The following CCDC73 variants were observed in gnomAD, a reference collection of about 807,000 sequenced individuals.
CCDC73 encodes coiled-coil domain containing 73, also known as coiled-coil domain-containing protein 73.
In CCDC73, 95 loss-of-function variants were observed where a neutral mutation model predicts 116.5. That is an observed-to-expected ratio of 0.82 (90% CI 0.69 to 0.97). The LOEUF is 0.97. Ranked by LOEUF, CCDC73 falls within the 50% of genes least tolerant of loss-of-function variation. The probability of loss-of-function intolerance (pLI) is 0.00; values close to 1 mark genes in which losing one functional copy is unlikely to be tolerated. For synonymous variants in CCDC73, 398 were observed against 401.3 expected (o/e 0.99, Z 0.10); for missense variants, 1,066 against 1,206.8 (o/e 0.88, Z 1.73).
intron 2 of CCDC73, chr11:32,758,646 GA>G (rs148824858): frequency 0.12 from 29,095 of 244,540 alleles, 1,694 homozygotes; most frequent in Non-Finnish European, 0.16. Flanking sequence ...GGTAATAAAA[GA>G]AAAAAAAAAC....
At chr11:32,619,327 T>C (rs1194077969) in intron 14 of CCDC73, among the ~76,000 whole-genome samples, 2 of 152,174 alleles carry the variant, frequency 1.3e-5, no homozygotes, top group Admixed American at 1.3e-4. Context: ...GCCTAATAAA[T>C]GCTATAAATG....
At chr11:32,712,166 G>A (rs879493164) in intron 3 of CCDC73, among the ~76,000 whole-genome samples, 5 of 152,146 alleles carry the variant, frequency 3.3e-5, no homozygotes, top group Admixed American at 6.5e-5. Flanking sequence ...TCTACTAACA[G>A]GAAGACAAAT....
chr11:32,646,185 G>A (rs116986806), intron 12 of CCDC73, among the ~76,000 whole-genome samples: 2 of 152,220 alleles, frequency 1.3e-5, no homozygotes, highest in African/African-American at 2.4e-5. Flanking sequence ...ACCTACTTCA[G>A]GTATTCTCTC....
At chr11:32,658,048 A>G (rs894115190) in intron 9 of CCDC73, among the ~76,000 whole-genome samples, 2 of 151,438 alleles carry the variant, frequency 1.3e-5, no homozygotes, top group Non-Finnish European at 2.9e-5. Context: ...AAAAGAAAAA[A>G]AAACCCCACA....
At chr11:32,732,294 G>C (rs891152206) in intron 2 of CCDC73, among the ~76,000 whole-genome samples, 1 of 152,140 alleles carries the variant, frequency 6.6e-6, no homozygotes, top group Non-Finnish European at 1.5e-5. Context: ...ACGTCTGATT[G>C]GTGTACCTGA....
At position 32,675,886 on chromosome 11, in the gene CCDC73, C is replaced by A. The variant is rs1425933074; in HGVS notation, c.565G>T (p.Val189Leu). The change falls in exon 8 of 18, where the codon GTA becomes TTA. Residue 189 changes from valine (V) to leucine (L), a missense_variant and splice_region_variant. Val to Leu is a conservative substitution (Grantham distance 32). Transcript: ENST00000335185. ...TATATTTAAATAAGATAGCACATACCATTTTGTTCTAACTTTTCATGATTC... is the reference window on the plus strand; with the variant it reads ...TATATTTAAATAAGATAGCACATACAATTTTGTTCTAACTTTTCATGATTC... ...KENHEKLEQNVREAIQSNKRL... is the reference protein window; with the variant it reads ...KENHEKLEQNLREAIQSNKRL... 1 of 1,590,840 alleles carries A rather than the reference C, an allele frequency of 6.3e-7. No individual in the cohort carries two copies. The highest frequency in any genetic ancestry group is 8.5e-7 in the Non-Finnish European group (1 of 1,170,162).
intron 2 of CCDC73, among the ~76,000 whole-genome samples, chr11:32,746,713 C>T (rs931459985): frequency 6.6e-6 from 1 of 152,042 alleles, no homozygotes; most frequent in Non-Finnish European, 1.5e-5. Context: ...TCAGCTTGAT[C>T]GTATTGGCTA....
At chr11:32,779,775 T>C (rs1850567151) in intron 1 of CCDC73, among the ~76,000 whole-genome samples, 1 of 152,152 alleles carries the variant, frequency 6.6e-6, no homozygotes, top group African/African-American at 2.4e-5. Flanking sequence ...ATCACATGCC[T>C]GAGAAAGTGA....
intron 2 of CCDC73, among the ~76,000 whole-genome samples, chr11:32,736,928 AC>A (rs1170647704): frequency 8.1e-6 from 1 of 123,644 alleles, no homozygotes; most frequent in Admixed American, 9.1e-5. Context: ...AGCAAACACC[AC>A]ATGTTCTCAC....
intron 1 of CCDC73, among the ~76,000 whole-genome samples, chr11:32,776,974 T>C (rs1398817993): frequency 9.2e-5 from 10 of 109,004 alleles, no homozygotes; most frequent in South Asian, 6.0e-4. Context: ...CACACACACA[T>C]ATATATATAC....
In CCDC73 at chr11:32,602,752, G is replaced by T; in HGVS notation, c.*59C>A. The T allele has an allele frequency of 8.0e-7, 1 of 1,251,818 alleles. No homozygotes were observed. The highest frequency in any genetic ancestry group is 1.1e-6 in the Non-Finnish European group (1 of 911,230). The allele number at this position is 1,251,818 out of a possible 1,614,324, so 77.5% of individuals were successfully genotyped here. A position where few individuals can be genotyped will look rare whatever the true frequency, so the allele number is the denominator to read the frequency against. On this transcript the variant is annotated 3_prime_UTR_variant, in exon 18 of 18. Coordinates refer to ENST00000335185, the MANE Select transcript of CCDC73 (RefSeq NM_001008391.4). Reference sequence around the variant, plus strand: ...TAAATACAACAGTCATTTTATTCTAGTAAAAACTATACCAGAATTTCAGTT... The same window carrying T: ...TAAATACAACAGTCATTTTATTCTATTAAAAACTATACCAGAATTTCAGTT...
intron 14 of CCDC73, among the ~76,000 whole-genome samples, chr11:32,621,775 C>T (rs1855524922): frequency 6.6e-6 from 1 of 150,434 alleles, no homozygotes; most frequent in Admixed American, 6.6e-5. Flanking sequence ...TGACAAATGG[C>T]TAATATCCAG....
chr11:32,650,320 C>T (rs1855815487), intron 12 of CCDC73, among the ~76,000 whole-genome samples: 1 of 152,114 alleles, frequency 6.6e-6, no homozygotes, highest in East Asian at 1.9e-4. Context: ...AATTTTGAGG[C>T]TTTGAACCAC....
chr11:32,636,086 T>A (rs1297854542), intron 13 of CCDC73, among the ~76,000 whole-genome samples: 1 of 152,120 alleles, frequency 6.6e-6, no homozygotes, highest in Non-Finnish European at 1.5e-5. Flanking sequence ...TCACAGAAGT[T>A]AAGTAACTTG....
intron 1 of CCDC73, among the ~76,000 whole-genome samples, chr11:32,792,298 A>C: frequency 6.6e-6 from 1 of 152,312 alleles, no homozygotes; most frequent in Non-Finnish European, 1.5e-5. Context: ...CTAGTAAAAA[A>C]TAAAATAAAA....
At chr11:32,802,173 T>C in the CCDC73 span, among the ~76,000 whole-genome samples, 30 of 152,222 alleles carry the variant, frequency 2.0e-4, no homozygotes, top group African/African-American at 6.3e-4. Flanking sequence ...TCATACTTCA[T>C]AGATGACTGC....
upstream of CCDC73, among the ~76,000 whole-genome samples, chr11:32,798,435 G>A (rs1232721021): frequency 6.6e-6 from 1 of 152,214 alleles, no homozygotes; most frequent in African/African-American, 2.4e-5. Flanking sequence ...AGCCTTCTGA[G>A]TAGCTGGGAC....
chr11:32,812,605 G>A, the CCDC73 span, among the ~76,000 whole-genome samples: 1 of 151,024 alleles, frequency 6.6e-6, no homozygotes, highest in Non-Finnish European at 1.5e-5. Flanking sequence ...GGAGGCGGAG[G>A]TTGTGGTGAG....
At chr11:32,681,809 T>C (rs901925077) in intron 7 of CCDC73, 1 of 151,854 alleles carries the variant, frequency 6.6e-6, no homozygotes, top group African/African-American at 2.4e-5. Flanking sequence ...TCATCTGAAT[T>C]ATATAATAAT....
Sources: allele counts gnomAD v4.1 joint callset (sites outside exome capture counted in the v4.1 genomes callset), GRCh38; gene constraint gnomAD v4.1.1; transcripts MANE v1.5; gene names NCBI Gene and HGNC (gene_info 2026-07-23, HGNC 2026-07-21).